The following PDE11A variants were observed in gnomAD, a reference collection of about 807,000 sequenced individuals.
PDE11A encodes the protein phosphodiesterase 11A.
Under a neutral mutation model 100.5 loss-of-function variants are expected in PDE11A, and 100 were observed. The observed-to-expected ratio is 1.00, with a 90% CI of 0.85 to 1.18. The LOEUF is 1.18. Ranked by LOEUF, PDE11A falls within the 50% of genes most tolerant of loss-of-function variation. The pLI, the probability that PDE11A is intolerant of heterozygous loss-of-function variation, is 0.00. For missense variants in PDE11A, 1,141 were observed against 1,152.6 expected (o/e 0.99, Z 0.15); for synonymous variants, 381 against 420.8 (o/e 0.91, Z 1.16).
intron 19 of PDE11A, among the ~76,000 whole-genome samples, chr2:177,650,454 T>C (rs528784420): frequency 6.6e-6 from 1 of 152,350 alleles, no homozygotes; most frequent in Admixed American, 6.5e-5. Context: ...GTTCAGTTTC[T>C]CAGGCCCTAT....
intron 19 of PDE11A, 51 bp downstream of exon 19, chr2:177,663,812 ACTT>A (rs756182076): frequency 1.0e-5 from 10 of 999,456 alleles, no homozygotes; most frequent in Non-Finnish European, 1.6e-5. Flanking sequence ...AGAAATACAC[ACTT>A]TTCCTTTTCT....
chr2:177,671,198 G>A (rs1057207619), intron 17 of PDE11A, among the ~76,000 whole-genome samples: 6 of 152,118 alleles, frequency 3.9e-5, no homozygotes, highest in Admixed American at 2.6e-4. Flanking sequence ...TGTAGCCCCT[G>A]GAAAGAAAAG....
chr2:177,680,351 A>G (rs910293262), intron 16 of PDE11A, among the ~76,000 whole-genome samples: 1 of 152,146 alleles, frequency 6.6e-6, no homozygotes, highest in African/African-American at 2.4e-5. Flanking sequence ...TTTCTAAACA[A>G]CTTGGAAGAC....
intron 6 of PDE11A, among the ~76,000 whole-genome samples, chr2:177,824,617 C>T (rs1033087361): frequency 7.2e-5 from 11 of 152,088 alleles, no homozygotes; most frequent in African/African-American, 2.7e-4. Context: ...AGGAATTTAT[C>T]CTGTGGTAAT....
chr2:177,713,964 C>T (rs2081394256), intron 12 of PDE11A, among the ~76,000 whole-genome samples: 1 of 150,386 alleles, frequency 6.6e-6, no homozygotes, highest in Admixed American at 6.6e-5. Context: ...CGTAGTTTTC[C>T]CACCATATTT....
intron 13 of PDE11A, among the ~76,000 whole-genome samples, chr2:177,708,097 C>A (rs900644387): frequency 6.6e-6 from 1 of 152,020 alleles, no homozygotes; most frequent in Non-Finnish European, 1.5e-5. Flanking sequence ...GCAATCGGAC[C>A]CTACAATGAA....
intron 6 of PDE11A, among the ~76,000 whole-genome samples, chr2:177,829,739 AC>A (rs950734711): frequency 8.6e-5 from 13 of 151,966 alleles, no homozygotes; most frequent in African/African-American, 2.9e-4. Context: ...GGCATGAGCC[AC>A]TGTGCCCAGC....
At chr2:177,727,018 G>C (rs376976914) in intron 12 of PDE11A, among the ~76,000 whole-genome samples, 2 of 152,164 alleles carry the variant, frequency 1.3e-5, no homozygotes, top group East Asian at 3.9e-4. Context: ...TAGAGGATTT[G>C]TTTCAATATT....
chr2:177,846,511 A>G (rs1157117320), intron 5 of PDE11A, among the ~76,000 whole-genome samples: 1 of 152,228 alleles, frequency 6.6e-6, no homozygotes, highest in Non-Finnish European at 1.5e-5. Flanking sequence ...GCTCTTTCAA[A>G]AAGTTCCTAC....
At chr2:177,685,968 G>A (rs549269372) in intron 15 of PDE11A, among the ~76,000 whole-genome samples, 3 of 152,272 alleles carry the variant, frequency 2.0e-5, no homozygotes, top group African/African-American at 7.2e-5. Flanking sequence ...TAGAGTTGCT[G>A]GTGTGAAGGT....
intron 6 of PDE11A, among the ~76,000 whole-genome samples, chr2:177,832,237 G>A (rs1191664649): frequency 6.6e-6 from 1 of 152,248 alleles, no homozygotes; most frequent in African/African-American, 2.4e-5. Context: ...AGGTGTGTCT[G>A]TAAGGGTGTT....
At chr2:178,078,711 T>C (rs949629716) in intron 2 of PDE11A, among the ~76,000 whole-genome samples, 3 of 152,232 alleles carry the variant, frequency 2.0e-5, no homozygotes, top group Non-Finnish European at 2.9e-5. Flanking sequence ...TTGGTTTTCA[T>C]TATTGAAAAT....
At chr2:177,961,658 C>A (rs1474685195) in intron 2 of PDE11A, among the ~76,000 whole-genome samples, 3 of 151,954 alleles carry the variant, frequency 2.0e-5, no homozygotes, top group Non-Finnish European at 2.9e-5. Flanking sequence ...TTTCTTGAAG[C>A]CAATTCCCAC....
At position 177,853,907 on chromosome 2, in the gene PDE11A, T is replaced by C. The variant is rs569550081; in HGVS notation, c.1368-13524A>G. ...ATATATGTGTATAGATATATATGTA[T>C]ATATGTGCATATATATGTATATATA... On this transcript the variant is annotated intron_variant, in intron 5 of 19. Coordinates refer to ENST00000286063, the MANE Select transcript of PDE11A (RefSeq NM_016953.4). Among the ~76,000 whole-genome samples, 227 of 146,726 alleles carry C rather than the reference T, an allele frequency of 1.5e-3. 2 individuals are homozygous for C. Among genetic ancestry groups the C allele is most frequent in the Non-Finnish European group, 2.4e-3 (163 of 66,986 alleles).
intron 10 of PDE11A, among the ~76,000 whole-genome samples, chr2:177,739,737 G>A (rs1362456009): frequency 6.6e-6 from 1 of 151,960 alleles, no homozygotes; most frequent in Non-Finnish European, 1.5e-5. Flanking sequence ...TATTTTTCAC[G>A]GTCCCTCTAT....
intron 2 of PDE11A, among the ~76,000 whole-genome samples, chr2:178,001,872 T>A (rs966294528): frequency 6.6e-6 from 1 of 152,230 alleles, no homozygotes; most frequent in Admixed American, 6.5e-5. Flanking sequence ...CATCTTTATG[T>A]GTGGCAGGAT....
At position 177,847,901 on chromosome 2, in the gene PDE11A, A is replaced by T. The variant is rs996745218; in HGVS notation, c.1368-7518T>A. Among the ~76,000 whole-genome samples the T allele has an allele frequency of 2.0e-5, 3 of 152,046 alleles. No individual in the cohort carries two copies. In the South Asian group the frequency reaches 6.2e-4, roughly 32 times the overall value. On this transcript the variant is annotated intron_variant, in intron 5 of 19. Transcript: ENST00000286063. ...GGATGCCCATTCACATTAGACGAGT[A>T]CTCATGTACCAACTCATTCTTTCAG... is the stretch of plus-strand genomic sequence containing the variant.
chr2:177,636,333 G>A (rs72941591), intron 19 of PDE11A, among the ~76,000 whole-genome samples: 9,759 of 152,126 alleles, frequency 0.064, 425 homozygotes, highest in Middle Eastern at 0.11. Context: ...TAATCATGTT[G>A]TCCAGAAGGT....
chr2:177,988,965 A>T (rs2085972014), intron 2 of PDE11A, among the ~76,000 whole-genome samples: 1 of 152,250 alleles, frequency 6.6e-6, no homozygotes, highest in African/African-American at 2.4e-5. Flanking sequence ...TTATCTGTAC[A>T]TAAAAAATGT....
Sources: allele counts gnomAD v4.1 joint callset (sites outside exome capture counted in the v4.1 genomes callset), GRCh38; gene constraint gnomAD v4.1.1; transcripts MANE v1.5; gene names NCBI Gene and HGNC (gene_info 2026-07-23, HGNC 2026-07-21).